Variants in NPAS3 observed in about 807,000 individuals in gnomAD.
NPAS3 encodes the protein neuronal PAS domain-containing protein 3.
In NPAS3, 14 loss-of-function variants were observed where a neutral mutation model predicts 73.1. The observed-to-expected ratio is 0.19, with a 90% CI of 0.13 to 0.30. NPAS3 has a LOEUF of 0.30. Ranked by LOEUF, NPAS3 falls within the 10% of genes least tolerant of loss-of-function variation. NPAS3 has a pLI of 1.00. For synonymous variants in NPAS3, 620 were observed against 541.5 expected (o/e 1.14, Z -2.01); for missense variants, 1,096 against 1,250.0 (o/e 0.88, Z 1.86).
At chr14:33,093,735 A>C (rs188089217) in intron 2 of NPAS3, among the ~76,000 whole-genome samples, 1 of 152,314 alleles carries the variant, frequency 6.6e-6, no homozygotes, top group Non-Finnish European at 1.5e-5. Flanking sequence ...TCCATCAGTG[A>C]TAGACTGGAT....
chr14:32,989,601 C>A lies in NPAS3; in HGVS notation c.50+50235C>A, dbSNP rs548080624. ...CGGAGCCTGCAGTGAGCCGAGAGCC[C>A]GCCACTGCACTCCAGCCTGGGCGAC... On this transcript the variant is annotated intron_variant, in intron 1 of 11. Coordinates refer to ENST00000356141, the Ensembl canonical transcript of NPAS3. Among the ~76,000 whole-genome samples the A allele has an allele frequency of 6.6e-4, 101 of 152,154 alleles. 2 individuals are homozygous for A. In the East Asian group the frequency reaches 0.016, roughly 25 times the overall value.
chr14:33,544,788 T>TATATATATATATATATATATA, intron 4 of NPAS3, among the ~76,000 whole-genome samples: 1 of 63,264 alleles, frequency 1.6e-5, no homozygotes, highest in African/African-American at 8.6e-5. Flanking sequence ...TGTGTGTGTA[T>TATATATATATATATATATATA]TATATATATA....
chr14:33,086,215 C>A (rs946067187), intron 2 of NPAS3, among the ~76,000 whole-genome samples: 3 of 152,056 alleles, frequency 2.0e-5, no homozygotes, highest in Non-Finnish European at 1.5e-5. Flanking sequence ...AAAGCAATTA[C>A]AAAAAATATT....
chr14:33,031,441 G>A (rs2039985097), intron 1 of NPAS3, among the ~76,000 whole-genome samples: 1 of 152,140 alleles, frequency 6.6e-6, no homozygotes, highest in Non-Finnish European at 1.5e-5. Flanking sequence ...CTCTTTTTAT[G>A]ACGCATGGCA....
intron 5 of NPAS3, among the ~76,000 whole-genome samples, chr14:33,588,675 G>A (rs2056954208): frequency 2.0e-5 from 3 of 152,182 alleles, no homozygotes; most frequent in African/African-American, 7.2e-5. Context: ...GTGCAGCGGT[G>A]TGACCTTGGC....
intron 3 of NPAS3, among the ~76,000 whole-genome samples, chr14:33,308,949 C>G (rs1232362593): frequency 1.3e-5 from 2 of 151,986 alleles, no homozygotes; most frequent in Non-Finnish European, 2.9e-5. Flanking sequence ...GGAACTGTGA[C>G]GTAGTTTCTT....
intron 7 of NPAS3, among the ~76,000 whole-genome samples, chr14:33,762,334 T>C (rs1337452611): frequency 6.6e-6 from 1 of 152,204 alleles, no homozygotes; most frequent in Non-Finnish European, 1.5e-5. Flanking sequence ...ATATTAAAGT[T>C]TTTCTAGTGC....
intron 1 of NPAS3, among the ~76,000 whole-genome samples, chr14:32,973,416 A>G (rs10143478): frequency 0.15 from 22,176 of 152,086 alleles, 1,713 homozygotes; most frequent in African/African-American, 0.2. Flanking sequence ...CTAAAAAGTC[A>G]TTTGTTTGAA....
chr14:33,523,902 C>T (rs986936227), intron 4 of NPAS3, among the ~76,000 whole-genome samples: 1 of 148,374 alleles, frequency 6.7e-6, no homozygotes, highest in Non-Finnish European at 1.5e-5. Context: ...CCACAACACA[C>T]CTACGCCTTG....
At chr14:33,054,637 G>A (rs1555329561) in intron 1 of NPAS3, among the ~76,000 whole-genome samples, 1 of 148,254 alleles carries the variant, frequency 6.7e-6, no homozygotes, top group Admixed American at 6.7e-5. Context: ...TTTTGAGACG[G>A]TGTCTTGCTC....
chr14:33,501,875 T>C (rs1217253785), intron 4 of NPAS3, among the ~76,000 whole-genome samples: 1 of 151,962 alleles, frequency 6.6e-6, no homozygotes, highest in Non-Finnish European at 1.5e-5. Flanking sequence ...AACAAAGAGA[T>C]AACTGCGTTG....
Position 33,484,239 on chromosome 14 carries a change from C to T in NPAS3, c.469-75882C>T, listed in dbSNP as rs373988681. 3.0e-3 allele frequency among the ~76,000 whole-genome samples: 450 copies of T among 152,200 alleles called. 2 individuals carry two copies. The highest frequency in any genetic ancestry group is 0.01 in the African/African-American group (432 of 41,544). On this transcript the variant is annotated intron_variant, in intron 4 of 11. Coordinates refer to ENST00000356141, the Ensembl canonical transcript of NPAS3. ...TGAATAGGATGGTCAGGGAACACCT[C>T]GTGAAAGGTCTGGAGGAGGAGCTGA...
At chr14:33,325,116 A>G (rs1396064085) in intron 3 of NPAS3, among the ~76,000 whole-genome samples, 1 of 151,906 alleles carries the variant, frequency 6.6e-6, no homozygotes, top group Admixed American at 6.6e-5. Flanking sequence ...TAGGTAAGGA[A>G]TGAACACCAG....
chr14:33,056,358 G>C (rs2040889439), intron 2 of NPAS3, among the ~76,000 whole-genome samples: 1 of 152,258 alleles, frequency 6.6e-6, no homozygotes, highest in African/African-American at 2.4e-5. Context: ...GATTTGAAAG[G>C]TGTGTTATGT....
At chr14:33,700,752 AG>A (rs1172677907) in intron 6 of NPAS3, among the ~76,000 whole-genome samples, 2 of 152,232 alleles carry the variant, frequency 1.3e-5, no homozygotes, top group African/African-American at 4.8e-5. Flanking sequence ...TTATAAAGCA[AG>A]TGTGCTTCTG....
chr14:33,088,233 G>A (rs561550894), intron 2 of NPAS3, among the ~76,000 whole-genome samples: 4 of 152,286 alleles, frequency 2.6e-5, no homozygotes, highest in South Asian at 2.1e-4. Context: ...CTGAAGCAGG[G>A]AGAGGCATCA....
chr14:32,967,777 G>A (rs1361907211), intron 1 of NPAS3, among the ~76,000 whole-genome samples: 1 of 150,660 alleles, frequency 6.6e-6, no homozygotes, highest in Non-Finnish European at 1.5e-5. Context: ...CATGTGGGGG[G>A]GGGTCCTAAA....
chr14:33,139,057 G>A (rs2043946793), intron 2 of NPAS3, among the ~76,000 whole-genome samples: 1 of 152,068 alleles, frequency 6.6e-6, no homozygotes, highest in Non-Finnish European at 1.5e-5. Context: ...ACTTCCTATG[G>A]GATTATTATG....
At chr14:33,268,067 G>C (rs1166682791) in intron 3 of NPAS3, among the ~76,000 whole-genome samples, 1 of 152,002 alleles carries the variant, frequency 6.6e-6, no homozygotes, top group South Asian at 2.1e-4. Flanking sequence ...TTTCAGAATG[G>C]CCTGTGATAG....
Sources: allele counts gnomAD v4.1 joint callset (sites outside exome capture counted in the v4.1 genomes callset), GRCh38; gene constraint gnomAD v4.1.1; transcripts MANE v1.5; gene names NCBI Gene and HGNC (gene_info 2026-07-23, HGNC 2026-07-21).